RBFOX1: variants seen among roughly 807,000 people sequenced by gnomAD.
RBFOX1 encodes RNA binding fox-1 homolog 1.
In RBFOX1, 8 loss-of-function variants were observed where a neutral mutation model predicts 57.7. That is an observed-to-expected ratio of 0.14 (90% CI 0.08 to 0.25). RBFOX1 has a LOEUF of 0.25. Ranked by LOEUF, RBFOX1 falls within the 10% of genes least tolerant of loss-of-function variation. RBFOX1 has a pLI of 1.00. For missense variants in RBFOX1, 611 were observed against 548.5 expected (o/e 1.11, Z -1.14); for synonymous variants, 326 against 222.4 (o/e 1.47, Z -4.15).
chr16:6,925,494 C>G (rs1260478165), intron 3 of RBFOX1, among the ~76,000 whole-genome samples: 2 of 149,378 alleles, frequency 1.3e-5, no homozygotes, highest in East Asian at 2.1e-4. Flanking sequence ...TCCTATCCAC[C>G]CTATTCCACT....
At chr16:6,239,781 G>A (rs1269620800) in intron 1 of RBFOX1, among the ~76,000 whole-genome samples, 2 of 152,132 alleles carry the variant, frequency 1.3e-5, no homozygotes, top group African/African-American at 2.4e-5. Context: ...ACAGGGGTGA[G>A]CCACCATGCC....
At chr16:5,267,793 T>C (rs1322487746) in intron 1 of RBFOX1, among the ~76,000 whole-genome samples, 1 of 152,170 alleles carries the variant, frequency 6.6e-6, no homozygotes, top group African/African-American at 2.4e-5. Flanking sequence ...GATAAAAAGA[T>C]GACTGAGGTC....
At chr16:6,615,505 G>A (rs1008986281) in intron 2 of RBFOX1, among the ~76,000 whole-genome samples, 3 of 151,906 alleles carry the variant, frequency 2.0e-5, no homozygotes, top group African/African-American at 7.3e-5. Context: ...AAGGGGCAGA[G>A]GTTGCAGTGA....
At chr16:5,530,163 C>T (rs970364506) in intron 2 of RBFOX1, among the ~76,000 whole-genome samples, 1 of 152,170 alleles carries the variant, frequency 6.6e-6, no homozygotes, top group Non-Finnish European at 1.5e-5. Context: ...CCTGAGAGCT[C>T]TGATTCTTGA....
chr16:6,353,519 A>T (rs2086760460), intron 2 of RBFOX1, among the ~76,000 whole-genome samples: 1 of 151,876 alleles, frequency 6.6e-6, no homozygotes, highest in African/African-American at 2.4e-5. Flanking sequence ...GGGTTTAGGC[A>T]TGGGGATGGT....
intron 4 of RBFOX1, among the ~76,000 whole-genome samples, chr16:7,486,855 C>T (rs186934528): frequency 1.8e-4 from 27 of 152,280 alleles, no homozygotes; most frequent in African/African-American, 6.0e-4. Flanking sequence ...GTTCAGCCTC[C>T]TTGCCACTCT....
rs538161553 is a variant in RBFOX1, at chr16:5,765,950, C to G, written c.319-101353C>G. Among the ~76,000 whole-genome samples, 185 of 152,328 alleles carry G rather than the reference C, an allele frequency of 1.2e-3. 1 individual carries two copies. Among genetic ancestry groups the G allele is most frequent in the African/African-American group, 4.2e-3 (174 of 41,578 alleles). Reference sequence around the variant, plus strand: ...CCACCACTACCCAGCTACATGGTTACTGCTGTTGCCATCTTTGTCTCTGGG... The same window carrying G: ...CCACCACTACCCAGCTACATGGTTAGTGCTGTTGCCATCTTTGTCTCTGGG... On this transcript the variant is annotated intron_variant, in intron 3 of 19. Coordinates refer to the RBFOX1 transcript ENST00000641259.
chr16:5,729,697 T>C (rs2052291550), intron 3 of RBFOX1, among the ~76,000 whole-genome samples: 1 of 152,188 alleles, frequency 6.6e-6, no homozygotes, highest in Non-Finnish European at 1.5e-5. Context: ...TGGGTAGGGC[T>C]GTCGGAAAGG....
chr16:6,514,813 T>G (rs570040142), intron 2 of RBFOX1, among the ~76,000 whole-genome samples: 2 of 152,088 alleles, frequency 1.3e-5, no homozygotes, highest in Admixed American at 6.6e-5. Flanking sequence ...TCTCCTGAAG[T>G]GTTCATGGAT....
intron 3 of RBFOX1, among the ~76,000 whole-genome samples, chr16:6,949,537 T>G (rs949895410): frequency 1.1e-4 from 17 of 152,052 alleles, no homozygotes. Context: ...CCTCTCTCCC[T>G]GGTTTACTGA....
intron 3 of RBFOX1, among the ~76,000 whole-genome samples, chr16:6,676,532 A>G (rs1357591172): frequency 2.0e-5 from 3 of 152,120 alleles, no homozygotes; most frequent in Admixed American, 6.5e-5. Flanking sequence ...CATTCTATGC[A>G]TATAATCCAC....
At chr16:5,529,899 A>C (rs2044396629) in intron 2 of RBFOX1, among the ~76,000 whole-genome samples, 1 of 152,102 alleles carries the variant, frequency 6.6e-6, no homozygotes, top group Non-Finnish European at 1.5e-5. Flanking sequence ...ATATTTAGAC[A>C]CAGGGAGAGA....
At chr16:6,817,510 A>G (rs2090340010) in intron 3 of RBFOX1, among the ~76,000 whole-genome samples, 1 of 149,480 alleles carries the variant, frequency 6.7e-6, no homozygotes, top group African/African-American at 2.5e-5. Flanking sequence ...CCTGGCCAGC[A>G]TGGTGAAACC....
chr16:5,435,656 T>C (rs1251593191), intron 1 of RBFOX1, among the ~76,000 whole-genome samples: 1 of 152,206 alleles, frequency 6.6e-6, no homozygotes, highest in Non-Finnish European at 1.5e-5. Flanking sequence ...GTTTATGGTT[T>C]CCAGGGAATT....
At chr16:6,302,064 C>G (rs1393208066) in intron 1 of RBFOX1, among the ~76,000 whole-genome samples, 1 of 152,078 alleles carries the variant, frequency 6.6e-6, no homozygotes, top group Non-Finnish European at 1.5e-5. Flanking sequence ...ACCGGAGATG[C>G]AAATATTTTT....
At chr16:7,246,306 C>T (rs1215965178) in intron 4 of RBFOX1, among the ~76,000 whole-genome samples, 6 of 152,196 alleles carry the variant, frequency 3.9e-5, no homozygotes, top group Non-Finnish European at 7.3e-5. Flanking sequence ...GCTCCAGCAG[C>T]ACCCTCCCTG....
intron 3 of RBFOX1, among the ~76,000 whole-genome samples, chr16:6,989,085 C>T (rs746614315): frequency 6.6e-6 from 1 of 151,910 alleles, no homozygotes; most frequent in Non-Finnish European, 1.5e-5. Context: ...TTAGTAGAGA[C>T]GGGATTTCGC....
intron 3 of RBFOX1, among the ~76,000 whole-genome samples, chr16:5,682,118 C>T (rs1364846699): frequency 6.6e-6 from 1 of 152,182 alleles, no homozygotes; most frequent in East Asian, 1.9e-4. Flanking sequence ...ATTGCCGTTT[C>T]ATGTCGGGCA....
rs1373978454 is a variant in RBFOX1, at chr16:5,324,885, A to G, written c.219+84780A>G. On this transcript the variant is annotated intron_variant, in intron 1 of 2. Coordinates refer to the RBFOX1 transcript ENST00000585867. The stretch of plus-strand genomic sequence containing the variant: ...ACTATCATTTACTAGACTTAGTGGT[A>G]CTACACTGCCAAACCCATTTATCCC... 2.0e-5 allele frequency among the ~76,000 whole-genome samples: 3 copies of G among 152,162 alleles called. No homozygotes were observed. The East Asian group carries it at 5.8e-4, about 29-fold the overall frequency.
Sources: gnomAD v4.1 joint callset for allele counts (sites outside exome capture counted in the v4.1 genomes callset) on GRCh38, gnomAD v4.1.1 for gene constraint, MANE v1.5 for transcripts, NCBI Gene and HGNC (gene_info 2026-07-23, HGNC 2026-07-21) for gene names.